TMCO5A: variants seen among roughly 807,000 people sequenced by gnomAD.
TMCO5A encodes transmembrane and coiled-coil domains 5A, also known as transmembrane and coiled-coil domain-containing protein 5A.
In TMCO5A, 34 loss-of-function variants were observed where a neutral mutation model predicts 42.3. That is an observed-to-expected ratio of 0.80 (90% CI 0.61 to 1.07). TMCO5A has a LOEUF of 1.07. Ranked by LOEUF, TMCO5A falls within the 50% of genes least tolerant of loss-of-function variation. The pLI, the probability that TMCO5A is intolerant of heterozygous loss-of-function variation, is 0.00. For synonymous variants in TMCO5A, 131 were observed against 115.6 expected (o/e 1.13, Z -0.86); for missense variants, 357 against 327.9 (o/e 1.09, Z -0.69).
intron 10 of TMCO5A, chr15:37,944,161 G>T (rs1167142048): frequency 6.6e-6 from 1 of 152,064 alleles, no homozygotes; most frequent in Non-Finnish European, 1.5e-5. Context: ...ATCAAATATT[G>T]GCCATTGTGT....
the TMCO5A span, among the ~76,000 whole-genome samples, chr15:37,977,322 G>T: frequency 0.024 from 3,643 of 152,192 alleles, 150 homozygotes; most frequent in African/African-American, 0.083. Context: ...TTCTTGTGCT[G>T]GTTCTTATTT....
chr15:37,941,544 AAAGAAAACATATTTAGAACAAT>A (rs1473603426), intron 7 of TMCO5A, 105 bp from the exon 8 acceptor site: 3 of 775,160 alleles, frequency 3.9e-6, no homozygotes, highest in Non-Finnish European at 6.4e-6. Flanking sequence ...GTACAGCAAA[AAAGAAAACATATTTAGAACAAT>A]TAGAAAACCA....
At chr15:37,948,872 A>C (rs972143141) in intron 11 of TMCO5A, among the ~76,000 whole-genome samples, 1 of 152,008 alleles carries the variant, frequency 6.6e-6, no homozygotes, top group Admixed American at 6.6e-5. Flanking sequence ...GAGTGGTGGG[A>C]AGATGTGTCA....
rs1318370980 is a variant in TMCO5A at position 37,936,422 on chromosome 15, ACTT to A, written c.105_107del (p.Leu36del). ...AGAGAATAGATGAAGCAAATCAGAA[ACTT>A]CTTCTCAAAATCCAAGAGAGGGAAG... On this transcript the variant is annotated inframe_deletion, in exon 3 of 12. Coordinates refer to ENST00000319669, the MANE Select transcript of TMCO5A (RefSeq NM_152453.4). 18 of 1,612,990 alleles carry A rather than the reference ACTT, an allele frequency of 1.1e-5. No individual in the cohort carries two copies. In the African/African-American group the frequency reaches 2.0e-4, roughly 18 times the overall value.
intron 11 of TMCO5A, among the ~76,000 whole-genome samples, chr15:37,959,939 C>CA (rs890049207): frequency 3.3e-5 from 5 of 151,206 alleles, no homozygotes; most frequent in South Asian, 2.1e-4. Context: ...AAGAATCCAC[C>CA]AAAAAAAACT....
At chr15:37,969,130 G>A (rs759588406), downstream of TMCO5A, among the ~76,000 whole-genome samples, 20 of 152,074 alleles carry the variant, frequency 1.3e-4, no homozygotes, top group African/African-American at 4.1e-4. Context: ...CCATGTCTAC[G>A]TCCAATAAGA....
chr15:38,023,228 T>C, the TMCO5A span, among the ~76,000 whole-genome samples: 1 of 152,144 alleles, frequency 6.6e-6, no homozygotes, highest in Non-Finnish European at 1.5e-5. Context: ...GAAGCAGACA[T>C]ATATATTGTC....
In TMCO5A at chr15:37,942,373, A is replaced by G. The variant is rs370342650; in HGVS notation, c.569+118A>G. On this transcript the variant is annotated intron_variant, in intron 9 of 11. Transcript: ENST00000319669. Reference sequence around the variant, plus strand: ...AATTGAATGAGTCCCGACGCCACATATCTTTGCCCTCTGTTAGTGATCTGG... The same window carrying G: ...AATTGAATGAGTCCCGACGCCACATGTCTTTGCCCTCTGTTAGTGATCTGG... 477 of 904,138 alleles carry G rather than the reference A, an allele frequency of 5.3e-4. 2 individuals are homozygous for G. The African/African-American group carries it at 6.8e-3, about 13-fold the overall frequency. 56.0% of individuals were successfully genotyped at this position (904,138 alleles called of 1,614,324 possible). A position where few individuals can be genotyped will look rare whatever the true frequency, so the allele number is the denominator to read the frequency against.
intron 11 of TMCO5A, 125 bp downstream of exon 11, chr15:37,947,821 C>T: frequency 3.5e-6 from 2 of 578,436 alleles, no homozygotes. Flanking sequence ...CACACACACA[C>T]ACAAGTCAGC....
chr15:37,966,615 C>T (rs1334578050), intron 11 of TMCO5A: 4 of 702,902 alleles, frequency 5.7e-6, no homozygotes, highest in Non-Finnish European at 1.0e-5. Flanking sequence ...TCTTTTTCTT[C>T]TCTCTTCAGA....
the TMCO5A span, among the ~76,000 whole-genome samples, chr15:38,032,025 G>C: frequency 1.3e-5 from 2 of 151,488 alleles, no homozygotes; most frequent in Middle Eastern, 3.4e-3. Flanking sequence ...GTATGATCTC[G>C]GCTCACCGCA....
At chr15:37,980,081 C>T in the TMCO5A span, among the ~76,000 whole-genome samples, 1 of 152,296 alleles carries the variant, frequency 6.6e-6, no homozygotes, top group East Asian at 1.9e-4. Context: ...AACTAAGGGG[C>T]CTGCCTGCCA....
At chr15:37,984,870 C>T in the TMCO5A span, 1 of 151,532 alleles carries the variant, frequency 6.6e-6, no homozygotes, top group Non-Finnish European at 1.5e-5. Context: ...CTCACCCTGT[C>T]TATGGTATTT....
the TMCO5A span, among the ~76,000 whole-genome samples, chr15:38,038,448 A>T: frequency 6.8e-6 from 1 of 146,754 alleles, no homozygotes; most frequent in East Asian, 2.0e-4. Flanking sequence ...TTTGTCGCCC[A>T]GGCTGGAGTG....
At chr15:37,973,292 A>G in the TMCO5A span, among the ~76,000 whole-genome samples, 1 of 151,590 alleles carries the variant, frequency 6.6e-6, no homozygotes, top group East Asian at 1.9e-4. Flanking sequence ...TTTTGGTTCC[A>G]TATGAATTTT....
the TMCO5A span, among the ~76,000 whole-genome samples, chr15:38,004,235 C>G: frequency 2.0e-5 from 3 of 152,102 alleles, no homozygotes; most frequent in African/African-American, 7.2e-5. Flanking sequence ...GGCCTCAGGA[C>G]TCTGCCTGGT....
the TMCO5A span, among the ~76,000 whole-genome samples, chr15:38,034,805 T>C: frequency 6.6e-6 from 1 of 152,060 alleles, no homozygotes; most frequent in South Asian, 2.1e-4. Context: ...AAGGGGCCCC[T>C]GGACTCCATG....
chr15:37,976,290 G>A, the TMCO5A span, among the ~76,000 whole-genome samples: 1 of 151,372 alleles, frequency 6.6e-6, no homozygotes, highest in South Asian at 2.1e-4. Context: ...TTAGTCTGGT[G>A]CAGTTCCCTT....
downstream of TMCO5A, among the ~76,000 whole-genome samples, chr15:37,971,617 C>A (rs988585959): frequency 6.6e-6 from 1 of 152,156 alleles, no homozygotes; most frequent in Non-Finnish European, 1.5e-5. Context: ...TATGCTGTTT[C>A]CCTTTTAAAA....
Sources: gnomAD v4.1 joint callset for allele counts (sites outside exome capture counted in the v4.1 genomes callset) on GRCh38, gnomAD v4.1.1 for gene constraint, MANE v1.5 for transcripts, NCBI Gene and HGNC (gene_info 2026-07-23, HGNC 2026-07-21) for gene names.